The following GRIK1 variants were observed in gnomAD, a reference collection of about 807,000 sequenced individuals.
GRIK1 encodes glutamate ionotropic receptor kainate type subunit 1.
GRIK1 carries 69 observed loss-of-function variants against 105.7 expected under a neutral mutation model. The ratio of observed to expected loss-of-function variants is 0.65; its 90% CI spans 0.54 to 0.80. The LOEUF (loss-of-function observed/expected upper bound fraction) is 0.80, where lower values mean the gene tolerates loss of function less well. GRIK1 is among the 30% of genes least tolerant of loss of function. The probability of loss-of-function intolerance (pLI) is 0.00; values close to 1 mark genes in which losing one functional copy is unlikely to be tolerated. For missense variants in GRIK1, 1,109 were observed against 1,167.3 expected (o/e 0.95, Z 0.73); for synonymous variants, 438 against 431.3 (o/e 1.02, Z -0.19).
intron 1 of GRIK1, among the ~76,000 whole-genome samples, chr21:29,753,480 C>T (rs1268118150): frequency 3.9e-5 from 6 of 152,112 alleles, no homozygotes; most frequent in Non-Finnish European, 7.4e-5. Context: ...TTGGACTCTC[C>T]GCAGATGGGG....
chr21:29,772,961 G>A (rs766032214), intron 1 of GRIK1, among the ~76,000 whole-genome samples: 5 of 152,148 alleles, frequency 3.3e-5, no homozygotes, highest in South Asian at 2.1e-4. Context: ...TTTTTAACCT[G>A]TATTGCTCCA....
chr21:29,803,326 A>T (rs1276812575), intron 1 of GRIK1, among the ~76,000 whole-genome samples: 1 of 152,182 alleles, frequency 6.6e-6, no homozygotes, highest in Non-Finnish European at 1.5e-5. Context: ...TTCATCTTTC[A>T]CAAGCTAAAT....
chr21:29,601,279 G>A (rs748917688), intron 7 of GRIK1: 24 of 489,426 alleles, frequency 4.9e-5, no homozygotes, highest in African/African-American at 3.5e-4. Flanking sequence ...TTACATCATC[G>A]ATGCTCTTCG....
At chr21:29,871,214 A>G (rs897772532) in intron 1 of GRIK1, among the ~76,000 whole-genome samples, 3 of 152,142 alleles carry the variant, frequency 2.0e-5, no homozygotes, top group Non-Finnish European at 1.5e-5. Context: ...CTTCGGTTTC[A>G]TGGTCTAGTA....
chr21:29,930,310 T>C (rs2071522814), intron 1 of GRIK1, among the ~76,000 whole-genome samples: 1 of 152,204 alleles, frequency 6.6e-6, no homozygotes, highest in South Asian at 2.1e-4. Flanking sequence ...TTCATCAGAA[T>C]GCAACATCTG....
chr21:29,781,136 A>G (rs943172502), intron 1 of GRIK1, among the ~76,000 whole-genome samples: 1 of 152,220 alleles, frequency 6.6e-6, no homozygotes, highest in African/African-American at 2.4e-5. Context: ...ATGTACACAC[A>G]TGCACACACG....
rs892868465 is a variant in GRIK1, at chr21:29,639,661, A to G, written c.1098+3165T>C. 5.9e-5 allele frequency among the ~76,000 whole-genome samples: 9 copies of G among 152,190 alleles called. No homozygotes were observed. In the South Asian group the frequency reaches 1.7e-3, roughly 28 times the overall value. ...ATGTTTTATCCTGAGGTATAAGAAA[A>G]AGCTTTAATGAAGCGTGTCAATCCT... On this transcript the variant is annotated intron_variant, in intron 7 of 17. Transcript: ENST00000327783.
intron 1 of GRIK1, among the ~76,000 whole-genome samples, chr21:29,860,309 C>A (rs2068596464): frequency 6.6e-6 from 1 of 152,208 alleles, no homozygotes; most frequent in Non-Finnish European, 1.5e-5. Context: ...TACTGCCAAC[C>A]TGGGGGAGTG....
chr21:29,708,176 A>C (rs938684348), intron 1 of GRIK1, among the ~76,000 whole-genome samples: 1 of 152,218 alleles, frequency 6.6e-6, no homozygotes, highest in African/African-American at 2.4e-5. Context: ...AGGTCAATGT[A>C]TTATAGAAAA....
At chr21:29,604,970 T>A (rs191739661) in intron 7 of GRIK1, among the ~76,000 whole-genome samples, 9 of 152,350 alleles carry the variant, frequency 5.9e-5, no homozygotes, top group Admixed American at 1.3e-4. Flanking sequence ...AGCACCTAAC[T>A]CTGGGCTCTT....
rs181210382 is a variant in GRIK1, at chr21:29,689,581, T to C, written c.544+147A>G. ...GAAATGTGAATTATATACACATGCATTATTAAATTACTTCAGAATATTCAG... is the reference window on the plus strand; with the variant it reads ...GAAATGTGAATTATATACACATGCACTATTAAATTACTTCAGAATATTCAG... On this transcript the variant is annotated intron_variant, in intron 3 of 17. Coordinates refer to ENST00000327783, the MANE Select transcript of GRIK1 (RefSeq NM_001330994.2). 8.7e-4 allele frequency: 614 copies of C among 704,244 alleles called. 5 individuals carry two copies. Among genetic ancestry groups the C allele is most frequent in the Admixed American group, 2.2e-3 (97 of 43,262 alleles). 43.6% of individuals were successfully genotyped at this position (704,244 alleles called of 1,614,324 possible).
rs147298415 is a variant in GRIK1, at chr21:29,933,616, TAGAG to T, written c.118+5763_118+5766del. Among the ~76,000 whole-genome samples the T allele has an allele frequency of 8.7e-5, 13 of 150,058 alleles. 1 individual carries two copies. Among genetic ancestry groups the T allele is most frequent in the African/African-American group, 3.2e-4 (13 of 41,150 alleles). On this transcript the variant is annotated intron_variant, in intron 1 of 17. Transcript: ENST00000327783. ...AAAACTCTCACCCTGTTCATTAACA[TAGAG>T]AGAGAGAGAGAGGGAGAGAGTTATC...
intron 1 of GRIK1, among the ~76,000 whole-genome samples, chr21:29,775,195 C>T (rs1156236609): frequency 6.7e-6 from 1 of 149,608 alleles, no homozygotes; most frequent in Non-Finnish European, 1.5e-5. Flanking sequence ...GTAATCCCAG[C>T]TACTCAGGAG....
intron 1 of GRIK1, among the ~76,000 whole-genome samples, chr21:29,769,311 A>G (rs2065753724): frequency 6.6e-6 from 1 of 152,194 alleles, no homozygotes; most frequent in African/African-American, 2.4e-5. Context: ...ATTTTGACAC[A>G]GAGACAGACG....
chr21:29,744,044 T>C (rs1337924339), intron 1 of GRIK1, among the ~76,000 whole-genome samples: 3 of 152,214 alleles, frequency 2.0e-5, no homozygotes, highest in Non-Finnish European at 4.4e-5. Flanking sequence ...AGTTTACCTA[T>C]GTAATCAACC....
At chr21:29,836,099 C>T (rs545179770) in intron 1 of GRIK1, among the ~76,000 whole-genome samples, 1 of 152,206 alleles carries the variant, frequency 6.6e-6, no homozygotes, top group Admixed American at 6.5e-5. Flanking sequence ...ACATTCATTT[C>T]AGTCGGTCAG....
intron 5 of GRIK1, among the ~76,000 whole-genome samples, chr21:29,651,589 A>G (rs139448607): frequency 8.3e-4 from 127 of 152,214 alleles, no homozygotes; most frequent in African/African-American, 2.7e-3. Context: ...GAGTCTCCAT[A>G]CTACAGATGC....
At chr21:29,669,033 A>T (rs559680087) in intron 4 of GRIK1, among the ~76,000 whole-genome samples, 8 of 152,346 alleles carry the variant, frequency 5.3e-5, no homozygotes, top group Admixed American at 3.3e-4. Context: ...GTAGAAATTC[A>T]TGAAGAAAGT....
At chr21:29,543,481 C>A (rs181586805) in intron 16 of GRIK1, among the ~76,000 whole-genome samples, 22 of 152,134 alleles carry the variant, frequency 1.4e-4, no homozygotes, top group Non-Finnish European at 1.9e-4. Flanking sequence ...TGTGTACTAC[C>A]CTTGTGGGAA....
Sources: allele counts gnomAD v4.1 joint callset (sites outside exome capture counted in the v4.1 genomes callset), GRCh38; gene constraint gnomAD v4.1.1; transcripts MANE v1.5; gene names NCBI Gene and HGNC (gene_info 2026-07-23, HGNC 2026-07-21).